The following MAPKAP1 variants were observed in gnomAD, a reference collection of about 807,000 sequenced individuals.
The protein encoded by MAPKAP1 is target of rapamycin complex 2 subunit MAPKAP1.
MAPKAP1 carries 20 observed loss-of-function variants against 65.7 expected under a neutral mutation model. The ratio of observed to expected loss-of-function variants is 0.30; its 90% CI spans 0.21 to 0.44. MAPKAP1 has a LOEUF of 0.44. Ranked by LOEUF, MAPKAP1 falls within the 20% of genes least tolerant of loss-of-function variation. MAPKAP1 has a pLI of 1.00. For synonymous variants in MAPKAP1, 222 were observed against 244.3 expected (o/e 0.91, Z 0.85); for missense variants, 423 against 648.0 (o/e 0.65, Z 3.77).
intron 6 of MAPKAP1, among the ~76,000 whole-genome samples, chr9:125,552,349 T>C (rs1252806304): frequency 6.6e-6 from 1 of 152,182 alleles, no homozygotes; most frequent in Non-Finnish European, 1.5e-5. Context: ...CCTGATTTAG[T>C]AAGAACATCA....
At chr9:125,554,274 A>T (rs1186783807) in intron 6 of MAPKAP1, among the ~76,000 whole-genome samples, 2 of 152,202 alleles carry the variant, frequency 1.3e-5, no homozygotes, top group Non-Finnish European at 2.9e-5. Flanking sequence ...TTTGGTGCCA[A>T]GTCACACTAT....
intron 4 of MAPKAP1, among the ~76,000 whole-genome samples, chr9:125,628,956 CAT>C (rs1833191778): frequency 6.6e-6 from 1 of 151,894 alleles, no homozygotes; most frequent in Non-Finnish European, 1.5e-5. Flanking sequence ...GGACAACAAG[CAT>C]ATGAGAAGAT....
intron 10 of MAPKAP1, among the ~76,000 whole-genome samples, chr9:125,448,805 G>A (rs148207744): frequency 2.9e-3 from 439 of 152,202 alleles, no homozygotes; most frequent in Middle Eastern, 0.01. Context: ...AGGAGTTTGA[G>A]ACCAGCCTTG....
chr9:125,468,165 ATT>A, intron 9 of MAPKAP1, 56 bp from the exon 10 acceptor site: 21 of 1,562,870 alleles, frequency 1.3e-5, no homozygotes, highest in Non-Finnish European at 1.7e-5. Flanking sequence ...GGTGTAAGTG[ATT>A]TCAGGGAAAT....
chr9:125,548,430 A>T (rs1024591769), intron 6 of MAPKAP1, among the ~76,000 whole-genome samples: 4 of 152,204 alleles, frequency 2.6e-5, no homozygotes, highest in Admixed American at 1.3e-4. Context: ...TTTAGCTCTA[A>T]ACCATGCTAG....
intron 3 of MAPKAP1, among the ~76,000 whole-genome samples, chr9:125,659,247 A>G (rs746702481): frequency 6.6e-5 from 10 of 152,232 alleles, no homozygotes; most frequent in Non-Finnish European, 1.0e-4. Context: ...CACCTGGCAC[A>G]GTCACAGTCT....
At chr9:125,657,180 T>C (rs951323598) in intron 4 of MAPKAP1, among the ~76,000 whole-genome samples, 4 of 152,260 alleles carry the variant, frequency 2.6e-5, no homozygotes, top group African/African-American at 7.2e-5. Context: ...CCAATACAAT[T>C]AGACCTTGAT....
intron 1 of MAPKAP1, among the ~76,000 whole-genome samples, chr9:125,706,736 C>G (rs1365949757): frequency 6.6e-6 from 1 of 152,088 alleles, no homozygotes; most frequent in Non-Finnish European, 1.5e-5. Flanking sequence ...CCCCCACCCC[C>G]ACACTACCAG....
chr9:125,445,381 C>T (rs1589195021), intron 10 of MAPKAP1, among the ~76,000 whole-genome samples: 1 of 152,240 alleles, frequency 6.6e-6, no homozygotes, highest in East Asian at 1.9e-4. Flanking sequence ...CCAGCCTCTA[C>T]ACAGGTTCTT....
intron 1 of MAPKAP1, among the ~76,000 whole-genome samples, chr9:125,704,001 T>C (rs942838903): frequency 6.6e-6 from 1 of 152,158 alleles, no homozygotes; most frequent in African/African-American, 2.4e-5. Context: ...ACATTTAAAG[T>C]AACAGATAAG....
intron 6 of MAPKAP1, among the ~76,000 whole-genome samples, chr9:125,554,794 C>CAAAAAAAAAAAAA (rs56911891): frequency 3.0e-5 from 2 of 65,626 alleles, no homozygotes; most frequent in Non-Finnish European, 2.7e-5. Flanking sequence ...AGACACTTAT[C>CAAAAAAAAAAAAA]AAAAAAAAAA....
intron 7 of MAPKAP1, among the ~76,000 whole-genome samples, chr9:125,518,957 T>G (rs924604660): frequency 3.3e-4 from 51 of 152,348 alleles, no homozygotes; most frequent in African/African-American, 1.2e-3. Flanking sequence ...TTTTACTTTA[T>G]AGATTCCTAT....
chr9:125,562,413 C>A (rs188067426), intron 5 of MAPKAP1, among the ~76,000 whole-genome samples: 277 of 152,272 alleles, frequency 1.8e-3, no homozygotes, highest in Non-Finnish European at 3.2e-3. Flanking sequence ...CTGATTCCTG[C>A]CATATTATAC....
intron 3 of MAPKAP1, among the ~76,000 whole-genome samples, chr9:125,669,608 G>A (rs1834440094): frequency 6.6e-6 from 1 of 152,116 alleles, no homozygotes; most frequent in African/African-American, 2.4e-5. Context: ...CAATCCCTGT[G>A]ACCCAGAGTG....
At chr9:125,658,176 A>G (rs1342233098) in intron 3 of MAPKAP1, among the ~76,000 whole-genome samples, 1 of 152,142 alleles carries the variant, frequency 6.6e-6, no homozygotes, top group Non-Finnish European at 1.5e-5. Flanking sequence ...CAAACTAGAA[A>G]ATCTCAAAGA....
intron 4 of MAPKAP1, among the ~76,000 whole-genome samples, chr9:125,613,803 T>A (rs542940020): frequency 1.4e-5 from 2 of 146,308 alleles, no homozygotes; most frequent in Non-Finnish European, 1.5e-5. Flanking sequence ...AGCAATTTCT[T>A]TTTTTTTTTT....
chr9:125,701,942 A>C (rs1835611748), intron 1 of MAPKAP1, among the ~76,000 whole-genome samples: 1 of 152,214 alleles, frequency 6.6e-6, no homozygotes, highest in Admixed American at 6.5e-5. Context: ...TCTAATCAAT[A>C]ATCAAAACAT....
intron 8 of MAPKAP1, among the ~76,000 whole-genome samples, chr9:125,504,856 T>G (rs1223912391): frequency 6.6e-6 from 1 of 152,068 alleles, no homozygotes; most frequent in Non-Finnish European, 1.5e-5. Context: ...CAGCCTGATC[T>G]TGTTTAGAGG....
At chr9:125,674,794 A>G (rs1834596658) in intron 1 of MAPKAP1, among the ~76,000 whole-genome samples, 1 of 152,114 alleles carries the variant, frequency 6.6e-6, no homozygotes, top group Non-Finnish European at 1.5e-5. Flanking sequence ...TTTTACTCTG[A>G]GGCTAATGGG....
Sources: gnomAD v4.1 joint callset for allele counts (sites outside exome capture counted in the v4.1 genomes callset) on GRCh38, gnomAD v4.1.1 for gene constraint, MANE v1.5 for transcripts, NCBI Gene and HGNC (gene_info 2026-07-23, HGNC 2026-07-21) for gene names.